The following AK8 variants were observed in gnomAD, a reference collection of about 807,000 sequenced individuals.
AK8 encodes ATP-AMP transphosphorylase 8.
A neutral mutation model predicts 54.6 loss-of-function variants in AK8; 44 were observed. That is an observed-to-expected ratio of 0.81 (90% CI 0.63 to 1.04). AK8 has a LOEUF of 1.04. AK8 is among the 50% of genes least tolerant of loss of function. The pLI, the probability that AK8 is intolerant of heterozygous loss-of-function variation, is 0.00. For missense variants in AK8, 555 were observed against 613.6 expected, an observed-to-expected ratio of 0.90 and a Z score of 1.01; for synonymous variants, 239 against 245.6, an observed-to-expected ratio of 0.97 and a Z score of 0.25.
intron 11 of AK8, among the ~76,000 whole-genome samples, chr9:132,782,426 A>G (rs951779754): frequency 5.3e-5 from 8 of 152,188 alleles, no homozygotes; most frequent in South Asian, 4.1e-4. Context: ...GCAGTGGCTC[A>G]CGCCTGTAAT....
intron 11 of AK8, among the ~76,000 whole-genome samples, chr9:132,762,629 A>T (rs1216367686): frequency 6.6e-6 from 1 of 152,152 alleles, no homozygotes; most frequent in South Asian, 2.1e-4. Flanking sequence ...GGATAGCCAC[A>T]TAGAAAACGG....
intron 5 of AK8, among the ~76,000 whole-genome samples, chr9:132,840,847 C>T (rs550035780): frequency 6.6e-6 from 1 of 151,736 alleles, no homozygotes; most frequent in Non-Finnish European, 1.5e-5. Context: ...GAGCCGAGAT[C>T]GCGCCAAAAA....
intron 5 of AK8, among the ~76,000 whole-genome samples, chr9:132,831,525 G>A (rs1185444093): frequency 3.3e-5 from 5 of 152,224 alleles, no homozygotes; most frequent in African/African-American, 4.8e-5. Flanking sequence ...AAAGAAAGCA[G>A]CGAGTTGCTT....
At position 132,854,862 on chromosome 9, in the gene AK8, T is replaced by C; in HGVS notation, c.397A>G (p.Lys133Glu). ...CTAGCTCACTGGAGTCTTACCTGCT[T>C]GATGCAATCCTCTTCAGCCAGGCGT... Reference protein sequence around the residue: ...QERLAEEDCIKQGWILDGIPE... With the variant: ...QERLAEEDCIEQGWILDGIPE... Residue 133 changes from lysine to glutamate, a missense_variant, in exon 5 of 13, where the codon AAG (lysine) becomes GAG (glutamate). Lys to Glu is a moderately conservative substitution (Grantham distance 56). Coordinates refer to ENST00000298545, the MANE Select transcript of AK8 (RefSeq NM_152572.3). The C allele has an allele frequency of 6.2e-7, 1 of 1,614,080 alleles. No individual in the cohort carries two copies. Among genetic ancestry groups the C allele is most frequent in the Non-Finnish European group, 8.5e-7 (1 of 1,180,006 alleles).
intron 10 of AK8, among the ~76,000 whole-genome samples, chr9:132,811,145 G>A (rs904385384): frequency 2.0e-5 from 3 of 152,194 alleles, no homozygotes; most frequent in Admixed American, 2.0e-4. Flanking sequence ...AAGTGGCAAA[G>A]ATTCAAATGG....
intron 11 of AK8, among the ~76,000 whole-genome samples, chr9:132,784,569 G>C (rs1839613864): frequency 6.6e-6 from 1 of 151,984 alleles, no homozygotes; most frequent in Non-Finnish European, 1.5e-5. Flanking sequence ...GAAAGAAAGA[G>C]AAGGAAAGAG....
At chr9:132,792,861 AGCT>A in intron 10 of AK8, 86 bp from the exon 11 acceptor site, 2 of 1,456,732 alleles carry the variant, frequency 1.4e-6, no homozygotes, top group Non-Finnish European at 1.8e-6. Flanking sequence ...CCATAGATTG[AGCT>A]GCTGAAGAAG....
upstream of AK8, chr9:132,878,357 G>C (rs1031758587): frequency 1.3e-5 from 16 of 1,255,570 alleles, no homozygotes; most frequent in African/African-American, 2.2e-4. The surrounding 1 kb of genome is among the most constrained non-coding windows in gnomAD (Gnocchi z 4.7). Flanking sequence ...CAGGCTCCGC[G>C]CCGGGCCCAG....
At chr9:132,865,197 G>A (rs914550557) in intron 3 of AK8, among the ~76,000 whole-genome samples, 3 of 152,174 alleles carry the variant, frequency 2.0e-5, no homozygotes, top group Non-Finnish European at 4.4e-5. Flanking sequence ...AGAACCCTAC[G>A]GCCTGATATG....
chr9:132,754,996 A>G (rs1838120431), intron 11 of AK8, among the ~76,000 whole-genome samples: 1 of 151,916 alleles, frequency 6.6e-6, no homozygotes, highest in Admixed American at 6.5e-5. Context: ...ATGGGGTTTC[A>G]CCATGTTGGC....
chr9:132,798,496 G>A (rs539357345), intron 10 of AK8, among the ~76,000 whole-genome samples: 25 of 152,198 alleles, frequency 1.6e-4, no homozygotes, highest in Admixed American at 5.2e-4. Context: ...TTTTCAGTGC[G>A]GTCTAAAGTC....
chr9:132,866,757 AC>A, intron 3 of AK8, 146 bp downstream of exon 3: 1 of 797,264 alleles, frequency 1.3e-6, no homozygotes, highest in Admixed American at 2.5e-5. Flanking sequence ...TGCTATGAAT[AC>A]ACACTACCTT....
chr9:132,822,663 G>T (rs115679060), intron 9 of AK8, among the ~76,000 whole-genome samples: 1 of 152,008 alleles, frequency 6.6e-6, no homozygotes, highest in Non-Finnish European at 1.5e-5. Flanking sequence ...GGACCACCCC[G>T]GGAAAGACCT....
At chr9:132,802,745 G>C (rs1241249644) in intron 10 of AK8, among the ~76,000 whole-genome samples, 1 of 152,224 alleles carries the variant, frequency 6.6e-6, no homozygotes, top group Non-Finnish European at 1.5e-5. Context: ...GGGTGAGCCA[G>C]CCCAGCTCTC....
chr9:132,755,670 C>T (rs977485430), intron 11 of AK8, among the ~76,000 whole-genome samples: 4 of 152,100 alleles, frequency 2.6e-5, no homozygotes, highest in African/African-American at 9.7e-5. Context: ...CCCCAGTAGC[C>T]GTTGCATTAT....
intron 11 of AK8, among the ~76,000 whole-genome samples, chr9:132,792,302 A>T (rs545272323): frequency 1.8e-3 from 280 of 152,340 alleles, no homozygotes; most frequent in Middle Eastern, 6.8e-3. Context: ...TATCAGCTGC[A>T]CCAAAGATTT....
chr9:132,877,916 A>T, intron 1 of AK8: 1 of 849,384 alleles, frequency 1.2e-6, no homozygotes. Flanking sequence ...CGGCACAGCC[A>T]GGACCAAATC....
At chr9:132,855,026 AAGCACCG>A in intron 4 of AK8, 101 bp from the exon 5 acceptor site, 2 of 1,252,014 alleles carry the variant, frequency 1.6e-6, no homozygotes, top group Non-Finnish European at 2.3e-6. Flanking sequence ...GGCCTCTGGA[AAGCACCG>A]ACCACCATCG....
intron 5 of AK8, among the ~76,000 whole-genome samples, chr9:132,841,137 A>C (rs890690904): frequency 6.6e-6 from 1 of 152,232 alleles, no homozygotes; most frequent in Non-Finnish European, 1.5e-5. Flanking sequence ...ACCTAAGGCC[A>C]TGCTGCCTGC....
Sources: allele counts gnomAD v4.1 joint callset (sites outside exome capture counted in the v4.1 genomes callset), GRCh38; gene constraint gnomAD v4.1.1; non-coding constraint Gnocchi (gnomAD v3.1); transcripts MANE v1.5; gene names NCBI Gene and HGNC (gene_info 2026-07-23, HGNC 2026-07-21).